Variants in SCHIP1 observed in about 807,000 individuals in gnomAD.
The protein encoded by SCHIP1 is schwannomin interacting protein 1, also known as schwannomin-interacting protein 1.
A neutral mutation model predicts 29.7 loss-of-function variants in SCHIP1; 8 were observed. The ratio of observed to expected loss-of-function variants is 0.27; its 90% confidence interval spans 0.16 to 0.49. The LOEUF (loss-of-function observed/expected upper bound fraction) is 0.49, where lower values mean the gene tolerates loss of function less well. Among genes scored for constraint, SCHIP1 ranks in the 20% least tolerant of loss-of-function variants. SCHIP1 has a pLI of 0.99. For synonymous variants in SCHIP1, 76 were observed against 94.9 expected, an observed-to-expected ratio of 0.80 and a Z score of 1.16; for missense variants, 193 against 294.6, an observed-to-expected ratio of 0.66 and a Z score of 2.52.
the SCHIP1 span, among the ~76,000 whole-genome samples, chr3:159,806,583 G>A: frequency 3.9e-5 from 6 of 152,258 alleles, no homozygotes; most frequent in African/African-American, 1.4e-4. Context: ...CATTAGCTGT[G>A]GAGGGCACCA....
chr3:159,708,970 C>T, the SCHIP1 span, among the ~76,000 whole-genome samples: 1 of 152,166 alleles, frequency 6.6e-6, no homozygotes, highest in Non-Finnish European at 1.5e-5. Flanking sequence ...AACAGCTGAA[C>T]CCAATTGGAA....
chr3:159,453,245 G>A, the SCHIP1 span, among the ~76,000 whole-genome samples: 15 of 152,284 alleles, frequency 9.9e-5, no homozygotes, highest in African/African-American at 3.6e-4. Flanking sequence ...AGCCCACTGT[G>A]TGACCCTGGA....
chr3:159,476,506 T>C, the SCHIP1 span, among the ~76,000 whole-genome samples: 2 of 152,154 alleles, frequency 1.3e-5, no homozygotes, highest in Non-Finnish European at 2.9e-5. Context: ...TACCAAACTT[T>C]TATAAGAGTA....
chr3:159,630,988 CA>C, the SCHIP1 span, among the ~76,000 whole-genome samples: 2 of 148,638 alleles, frequency 1.3e-5, no homozygotes, highest in Admixed American at 6.7e-5. Context: ...AGGAAAGTAC[CA>C]AAAAAAAAGT....
chr3:159,575,488 T>A, the SCHIP1 span, among the ~76,000 whole-genome samples: 1 of 152,074 alleles, frequency 6.6e-6, no homozygotes, highest in Non-Finnish European at 1.5e-5. Flanking sequence ...CAGGCTGGAG[T>A]ACAGTGGCAC....
the SCHIP1 span, among the ~76,000 whole-genome samples, chr3:159,434,873 C>T: frequency 6.6e-6 from 1 of 152,132 alleles, no homozygotes; most frequent in African/African-American, 2.4e-5. Flanking sequence ...TGTGAGAAGG[C>T]ATTGTGTGAT....
chr3:159,441,734 G>C, the SCHIP1 span, among the ~76,000 whole-genome samples: 1 of 152,112 alleles, frequency 6.6e-6, no homozygotes, highest in Non-Finnish European at 1.5e-5. Context: ...TAGGGCCCTG[G>C]GACAGGGAAG....
chr3:159,806,062 G>A, the SCHIP1 span, among the ~76,000 whole-genome samples: 9 of 152,162 alleles, frequency 5.9e-5, no homozygotes, highest in East Asian at 9.7e-4. Flanking sequence ...CACCCGCCTC[G>A]GCCTCCCAAA....
At chr3:159,313,191 A>AAG in the SCHIP1 span, among the ~76,000 whole-genome samples, 6 of 152,222 alleles carry the variant, frequency 3.9e-5, no homozygotes, top group Non-Finnish European at 7.3e-5. Context: ...AGGATTACAG[A>AAG]AGAAGATTTA....
the SCHIP1 span, among the ~76,000 whole-genome samples, chr3:159,828,376 C>CAT: frequency 9.2e-5 from 7 of 75,724 alleles, no homozygotes; most frequent in East Asian, 1.8e-3. Flanking sequence ...TATATATATA[C>CAT]ATATATATAT....
At chr3:159,419,003 T>C in the SCHIP1 span, among the ~76,000 whole-genome samples, 8 of 152,086 alleles carry the variant, frequency 5.3e-5, no homozygotes, top group Non-Finnish European at 1.0e-4. Context: ...TGCAAGAAAA[T>C]GGTGATATTT....
the SCHIP1 span, among the ~76,000 whole-genome samples, chr3:159,489,291 A>G: frequency 6.6e-6 from 1 of 152,216 alleles, no homozygotes; most frequent in Non-Finnish European, 1.5e-5. Flanking sequence ...CTACTAAATT[A>G]GACCACTAAG....
chr3:159,572,404 G>A, the SCHIP1 span, among the ~76,000 whole-genome samples: 2 of 152,170 alleles, frequency 1.3e-5, no homozygotes, highest in Non-Finnish European at 2.9e-5. Context: ...GGAGCAAGTT[G>A]TTAAGTTTCC....
At chr3:159,680,600 T>C in the SCHIP1 span, among the ~76,000 whole-genome samples, 1 of 96,582 alleles carries the variant, frequency 1.0e-5, no homozygotes. Context: ...ATATGTATAA[T>C]ATATATTATA....
At chr3:159,440,665 A>T in the SCHIP1 span, among the ~76,000 whole-genome samples, 1 of 152,164 alleles carries the variant, frequency 6.6e-6, no homozygotes, top group African/African-American at 2.4e-5. Context: ...TTGAGCACTT[A>T]CATTGTCCCC....
the SCHIP1 span, among the ~76,000 whole-genome samples, chr3:159,417,262 A>C: frequency 1.3e-5 from 2 of 152,224 alleles, no homozygotes; most frequent in African/African-American, 4.8e-5. Context: ...AAGGATCTGG[A>C]GGACTGCTCA....
chr3:159,871,310 C>T (rs759244816), intron 2 of SCHIP1, among the ~76,000 whole-genome samples: 1 of 125,406 alleles, frequency 8.0e-6, no homozygotes, highest in South Asian at 2.5e-4. Context: ...TCGTACCCAT[C>T]ACTTTGTCCG....
chr3:159,579,698 T>C, the SCHIP1 span, among the ~76,000 whole-genome samples: 1 of 152,208 alleles, frequency 6.6e-6, no homozygotes, highest in Non-Finnish European at 1.5e-5. Context: ...GACTTTGACC[T>C]GCATTTTTGA....
the SCHIP1 span, among the ~76,000 whole-genome samples, chr3:159,422,361 A>C: frequency 1.3e-4 from 20 of 152,226 alleles, no homozygotes; most frequent in African/African-American, 4.8e-4. Flanking sequence ...ATGCTTTGCT[A>C]TTCTAAGCAA....
Sources: allele counts gnomAD v4.1 joint callset (sites outside exome capture counted in the v4.1 genomes callset), GRCh38; gene constraint gnomAD v4.1.1; transcripts MANE v1.5; gene names NCBI Gene and HGNC (gene_info 2026-07-23, HGNC 2026-07-21).